SLC12A6: variants seen among roughly 807,000 people sequenced by gnomAD.
SLC12A6 encodes the protein K-Cl cotransporter 3.
Under a neutral mutation model 135.3 loss-of-function variants are expected in SLC12A6, and 66 were observed. The observed-to-expected ratio is 0.49, with a 90% CI of 0.40 to 0.60. The LOEUF is 0.60. Among genes scored for constraint, SLC12A6 ranks in the 20% least tolerant of loss-of-function variants. The pLI is 0.00. For synonymous variants in SLC12A6, 513 were observed against 508.8 expected (o/e 1.01, Z -0.11); for missense variants, 1,058 against 1,452.3 (o/e 0.73, Z 4.41).
At position 34,258,814 on chromosome 15, in the gene SLC12A6, T is replaced by C. The variant is rs1422084761; in HGVS notation, c.542A>G (p.Lys181Arg). The change falls in exon 5 of 26, where the codon AAG becomes AGG. Residue 181 changes from lysine (K) to arginine (R), a missense_variant and splice_region_variant. Transcript: ENST00000354181. ...NITEGKKKPTKTPQMGTFMGV... is the reference protein window; with the variant it reads ...NITEGKKKPTRTPQMGTFMGV... ...TTCCTTGTTATTCTGAGGCCTCACCTTGGTGGGCTTCTTTTTCCCTTCAGT... is the reference window on the plus strand; with the variant it reads ...TTCCTTGTTATTCTGAGGCCTCACCCTGGTGGGCTTCTTTTTCCCTTCAGT... 1.2e-6 allele frequency: 2 copies of C among 1,613,052 alleles called. No individual in the cohort carries two copies. The highest frequency in any genetic ancestry group is 1.7e-5 in the Admixed American group (1 of 60,004).
intron 2 of SLC12A6, among the ~76,000 whole-genome samples, chr15:34,312,674 GT>G (rs1293751711): frequency 6.6e-6 from 1 of 152,190 alleles, no homozygotes; most frequent in Admixed American, 6.5e-5. Flanking sequence ...GGCATACCTT[GT>G]TTTATTGTGC....
intron 6 of SLC12A6, 41 bp downstream of exon 6, chr15:34,257,601 G>A (rs767485458): frequency 1.3e-6 from 2 of 1,568,126 alleles, no homozygotes; most frequent in Admixed American, 1.7e-5. Flanking sequence ...TTGAGAACTT[G>A]CAACGTTCAG....
At chr15:34,331,106 T>G (rs1889815636) in intron 2 of SLC12A6, among the ~76,000 whole-genome samples, 1 of 152,136 alleles carries the variant, frequency 6.6e-6, no homozygotes, top group African/African-American at 2.4e-5. Flanking sequence ...AACAATATAA[T>G]TCACTTATTT....
chr15:34,262,539 C>A (rs2099005888), intron 3 of SLC12A6, among the ~76,000 whole-genome samples: 1 of 152,172 alleles, frequency 6.6e-6, no homozygotes, highest in Admixed American at 6.5e-5. Flanking sequence ...CAGTGGAGGG[C>A]AGCTACCCCA....
chr15:34,256,727 G>A (rs879604866), intron 6 of SLC12A6, among the ~76,000 whole-genome samples: 6 of 152,276 alleles, frequency 3.9e-5, no homozygotes, highest in South Asian at 4.1e-4. Flanking sequence ...AATATTACCC[G>A]GTAGCACAGT....
In SLC12A6 at chr15:34,240,692, T is replaced by G; in HGVS notation, c.2405A>C (p.Glu802Ala). 6.2e-7 allele frequency: 1 copy of G among 1,614,076 alleles called. No individual in the cohort carries two copies. The highest frequency in any genetic ancestry group is 8.5e-7 in the Non-Finnish European group (1 of 1,179,956). Residue 802 changes from glutamate (E) to alanine (A), a missense_variant, in exon 19 of 26, where the codon GAG becomes GCG. This residue lies in a region of SLC12A6 where 31 missense variants were observed against 24.3 expected (regional missense o/e 1.28). Transcript: ENST00000354181. ...VGSVIVGNFL[E>A]NYGEALAAEQ... ...AGCAGCTAAAGCTTCACCGTAGTTC[T>G]CTAGGAAGTTCCCCACGATGACAGA...
chr15:34,238,904 A>G, intron 20 of SLC12A6, 61 bp downstream of exon 20: 1 of 1,394,286 alleles, frequency 7.2e-7, no homozygotes, highest in South Asian at 1.2e-5. Flanking sequence ...TGGGGGTGAC[A>G]GAGATTTAAC....
chr15:34,281,706 T>C (rs1894691840), intron 2 of SLC12A6, among the ~76,000 whole-genome samples: 1 of 152,134 alleles, frequency 6.6e-6, no homozygotes, highest in African/African-American at 2.4e-5. Context: ...GAGAATAGCT[T>C]GAATTCAGGA....
At chr15:34,283,060 T>C (rs1441731759) in intron 2 of SLC12A6, among the ~76,000 whole-genome samples, 1 of 152,120 alleles carries the variant, frequency 6.6e-6, no homozygotes, top group African/African-American at 2.4e-5. Flanking sequence ...AGAAAATTAA[T>C]AGCCGGGCAC....
chr15:34,333,357 G>A lies in SLC12A6; in HGVS notation c.271+3053C>T, dbSNP rs150712208. ...CAATTCTCCTGTCAAGGCCTCCCGAGCAGCTGGGATTACAGGCGCACGCCG... is the reference window on the plus strand; with the variant it reads ...CAATTCTCCTGTCAAGGCCTCCCGAACAGCTGGGATTACAGGCGCACGCCG... On this transcript the variant is annotated intron_variant, in intron 2 of 25. Transcript: ENST00000354181. Among the ~76,000 whole-genome samples, 708 of 151,816 alleles carry A rather than the reference G, an allele frequency of 4.7e-3. 5 individuals are homozygous for A. The highest frequency in any genetic ancestry group is 0.01 in the Middle Eastern group (3 of 294).
At chr15:34,248,532 A>G (rs1175677882) in intron 13 of SLC12A6, among the ~76,000 whole-genome samples, 1 of 151,268 alleles carries the variant, frequency 6.6e-6, no homozygotes, top group East Asian at 1.9e-4. Flanking sequence ...GTATAGTAAT[A>G]TACTATACTA....
At chr15:34,334,128 G>A (rs370839331) in intron 2 of SLC12A6, among the ~76,000 whole-genome samples, 19 of 151,830 alleles carry the variant, frequency 1.3e-4, no homozygotes, top group African/African-American at 4.6e-4. Flanking sequence ...GTGATGTAAT[G>A]TGAGTAGAAG....
intron 2 of SLC12A6, among the ~76,000 whole-genome samples, chr15:34,291,281 C>G (rs577079281): frequency 6.6e-6 from 1 of 152,176 alleles, no homozygotes; most frequent in Non-Finnish European, 1.5e-5. Flanking sequence ...GTTGAAAATT[C>G]TTTTCTTTCA....
chr15:34,287,143 C>T (rs1217465323), intron 2 of SLC12A6, among the ~76,000 whole-genome samples: 1 of 151,894 alleles, frequency 6.6e-6, no homozygotes, highest in African/African-American at 2.4e-5. Context: ...CCCTTCCCTA[C>T]CCCCCCGGGC....
At chr15:34,286,882 A>G (rs962185540) in intron 2 of SLC12A6, among the ~76,000 whole-genome samples, 1 of 152,238 alleles carries the variant, frequency 6.6e-6, no homozygotes, top group African/African-American at 2.4e-5. Flanking sequence ...AAAAGAGGAC[A>G]AATAATAAAG....
In SLC12A6 at chr15:34,251,037, G is replaced by C; in HGVS notation, c.1354C>G (p.Leu452Val). Residue 452 changes from leucine (L) to valine (V), a missense_variant, in exon 11 of 26, where the codon CTA becomes GTA. Physicochemically the swap from Leu to Val is conservative, Grantham distance 32. Coordinates refer to ENST00000354181, the MANE Select transcript of SLC12A6 (RefSeq NM_001365088.1). ...IITENLWSNY[L>V]PKGEIIEKPS... ...TTTTCGATGATCTCTCCCTTGGGTAGGTAATTACTCCAAAGATTCTCTGCA... is the reference window on the plus strand; with the variant it reads ...TTTTCGATGATCTCTCCCTTGGGTACGTAATTACTCCAAAGATTCTCTGCA... 6.2e-7 allele frequency: 1 copy of C among 1,609,992 alleles called. No homozygotes were observed. Among genetic ancestry groups the C allele is most frequent in the Non-Finnish European group, 8.5e-7 (1 of 1,176,452 alleles).
intron 2 of SLC12A6, among the ~76,000 whole-genome samples, chr15:34,295,753 C>T (rs771366223): frequency 9.2e-5 from 14 of 152,196 alleles, no homozygotes; most frequent in Admixed American, 3.3e-4. Context: ...AATCCCAGCA[C>T]TTTGGGAGGC....
chr15:34,243,047 C>G (rs149274579), intron 16 of SLC12A6, among the ~76,000 whole-genome samples: 8,524 of 152,144 alleles, frequency 0.056, 289 homozygotes, highest in Non-Finnish European at 0.073. Context: ...GCATGTGCCA[C>G]CATGCCCGGC....
At chr15:34,325,651 T>C (rs924148495) in intron 2 of SLC12A6, among the ~76,000 whole-genome samples, 5 of 152,286 alleles carry the variant, frequency 3.3e-5, no homozygotes, top group African/African-American at 1.2e-4. Context: ...ATAAAAGACA[T>C]TATTTTCTGG....
Sources: gnomAD v4.1 joint callset for allele counts (sites outside exome capture counted in the v4.1 genomes callset) on GRCh38, gnomAD v4.1.1 for gene constraint, gnomAD v4.1.1 regional missense constraint, MANE v1.5 for transcripts, NCBI Gene and HGNC (gene_info 2026-07-23, HGNC 2026-07-21) for gene names.